Variants in CEP250 observed in about 807,000 individuals in gnomAD.
CEP250 encodes the protein centrosome-associated protein CEP250.
A neutral mutation model predicts 315.7 loss-of-function variants in CEP250; 242 were observed. The observed-to-expected ratio is 0.77, with a 90% CI of 0.69 to 0.85. The LOEUF is 0.85. Ranked by LOEUF, CEP250 falls within the 40% of genes least tolerant of loss-of-function variation. The pLI is 0.00. For missense variants in CEP250, 2,515 were observed against 2,886.4 expected, an observed-to-expected ratio of 0.87 and a Z score of 2.95; for synonymous variants, 1,088 against 1,175.0, an observed-to-expected ratio of 0.93 and a Z score of 1.51.
chr20:35,465,634 G>A, intron 5 of CEP250, 109 bp from the exon 6 acceptor site: 1 of 720,378 alleles, frequency 1.4e-6, no homozygotes, highest in Admixed American at 3.3e-5. Flanking sequence ...GCTAACAAAG[G>A]GGAGAAAGAA....
rs747580957 is a variant in CEP250, at chr20:35,498,767, A to G, written c.3777+51A>G. ...GAACTCTTTACATCCCTGGAAAAGCATGAGGCAAAGGGGTGTGAAGCAGTT... is the reference window on the plus strand; with the variant it reads ...GAACTCTTTACATCCCTGGAAAAGCGTGAGGCAAAGGGGTGTGAAGCAGTT... On this transcript the variant is annotated intron_variant, in intron 27 of 34. Transcript: ENST00000397527. 2.6e-6 allele frequency: 4 copies of G among 1,513,682 alleles called. No homozygotes were observed. The Admixed American group carries it at 7.4e-5, about 28-fold the overall frequency. 93.8% of individuals were successfully genotyped at this position (1,513,682 alleles called of 1,614,324 possible). A position where few individuals can be genotyped will look rare whatever the true frequency, so the allele number is the denominator to read the frequency against.
At position 35,467,361 on chromosome 20, in the gene CEP250, T is replaced by A; in HGVS notation, c.657T>A (p.Cys219Ter). 6.2e-7 allele frequency: 1 copy of A among 1,614,172 alleles called. No homozygotes were observed. Among genetic ancestry groups the A allele is most frequent in the Non-Finnish European group, 8.5e-7 (1 of 1,180,012 alleles). The part of the protein sequence containing the change: ...HVRLSGSLLT[C>*]CLRLTVGAQS... ...GGCTTTCAGGGTCTCTGTTGACCTG[T>A]TGTCTGCGCTTGACTGTGGGAGCAC... The change falls in exon 9 of 35, where the codon TGT (cysteine) becomes TGA (stop). Residue 219 changes from cysteine (C) to a stop codon, truncating the protein, a stop_gained. Transcript: ENST00000397527. LOFTEE classifies it high-confidence loss of function.
In CEP250 at chr20:35,513,168, C is replaced by T. The variant is rs531715815; in HGVS notation, c.*1542C>T. ...GAAACCCCAGAAACAGATCTGGGGC[C>T]CCAGAAATGCTGTCCTGGTCCCTAT... On this transcript the variant is annotated 3_prime_UTR_variant, in exon 35 of 35. Transcript: ENST00000397527. 1 of 152,370 alleles carries T rather than the reference C, an allele frequency of 6.6e-6. No individual in the cohort carries two copies. Among genetic ancestry groups the T allele is most frequent in the African/African-American group, 2.4e-5 (1 of 41,586 alleles). The allele number at this position is 152,370 out of a possible 1,614,324, so 9.4% of individuals were successfully genotyped here.
intron 22 of CEP250, 144 bp from the exon 23 acceptor site, chr20:35,493,285 A>G (rs2063747338): frequency 1.4e-6 from 1 of 718,176 alleles, no homozygotes; most frequent in Non-Finnish European, 2.2e-6. Flanking sequence ...TTTGTGAGGG[A>G]GGAGAGGGAC....
Position 35,504,237 on chromosome 20 carries a change from G to A in CEP250, c.5868G>A (p.Glu1956=). 1.2e-6 allele frequency: 2 copies of A among 1,606,124 alleles called. No individual in the cohort carries two copies. Among genetic ancestry groups the A allele is most frequent in the South Asian group, 2.2e-5 (2 of 90,204 alleles). ...RAESQSSRHQ[E]EAARARAEAL... is the part of the protein sequence containing the mutation. Reference sequence around the variant, plus strand: ...AAAGTCAGTCCTCCCGGCATCAGGAGGAGGCTGCCCGGGCCCGGGCTGAGG... The same window carrying A: ...AAAGTCAGTCCTCCCGGCATCAGGAAGAGGCTGCCCGGGCCCGGGCTGAGG... Residue 1956 remains glutamate (E), a synonymous_variant, in exon 30 of 35, where the codon GAG becomes GAA. Coordinates refer to ENST00000397527, the MANE Select transcript of CEP250 (RefSeq NM_007186.6).
At chr20:35,475,831 T>C (rs989404313) in intron 15 of CEP250, among the ~76,000 whole-genome samples, 185 bp downstream of exon 15, 2 of 152,206 alleles carry the variant, frequency 1.3e-5, no homozygotes, top group African/African-American at 4.8e-5. Context: ...CTAAAGTATA[T>C]ACCTGGTTAT....
chr20:35,500,607 G>T (rs975807807), intron 28 of CEP250, among the ~76,000 whole-genome samples: 60 of 152,206 alleles, frequency 3.9e-4, no homozygotes, highest in Admixed American at 2.0e-4. Context: ...GCAGCGCTGG[G>T]GCTGGCAGCA....
chr20:35,467,943 C>CTTTTTTTTTTTTT (rs10649518), intron 9 of CEP250, among the ~76,000 whole-genome samples: 1 of 117,980 alleles, frequency 8.5e-6, no homozygotes, highest in Non-Finnish European at 1.7e-5. Context: ...AATATTACCT[C>CTTTTTTTTTTTTT]TTTTTTTTTT....
Position 35,478,105 on chromosome 20 carries a change from AG to A in CEP250, c.2094+5del. The stretch of plus-strand genomic sequence containing the variant: ...AATTCAAAAGAAACTAAGTGAGGTG[AG>A]AAGCCAAAATGGACACCATCATGTC... On this transcript the variant is annotated splice_donor_5th_base_variant and intron_variant, in intron 17 of 34. Transcript: ENST00000397527. 1.3e-6 allele frequency: 2 copies of A among 1,596,640 alleles called. No individual in the cohort carries two copies. The highest frequency in any genetic ancestry group is 1.1e-5 in the South Asian group (1 of 90,364).
rs1028980909 is a variant in CEP250, at chr20:35,509,890, A to G, written c.7009-108A>G. On this transcript the variant is annotated intron_variant, in intron 33 of 34. Coordinates refer to ENST00000397527, the MANE Select transcript of CEP250 (RefSeq NM_007186.6). The stretch of plus-strand genomic sequence containing the variant: ...CTGAGTTCAGATGCTTCTGGCCCAT[A>G]GCCCTTGCCCAGGCCCCTAAGATTG... 4.0e-6 allele frequency: 4 copies of G among 988,582 alleles called. No individual in the cohort carries two copies. In the Admixed American group the frequency reaches 5.2e-5, roughly 13 times the overall value. 61.2% of individuals were successfully genotyped at this position (988,582 alleles called of 1,614,324 possible).
chr20:35,496,713 C>T lies in CEP250; in HGVS notation c.3304C>T (p.Gln1102Ter). Reference protein sequence around the residue: ...AQGEQKELSAQMELLRQEVKE... With the variant: ...AQGEQKELSA The stretch of plus-strand genomic sequence containing the variant: ...GGGAGAACAGAAAGAGCTCAGTGCT[C>T]AGGTACTTCCCACTCTGGTTATGAG... The change falls in exon 25 of 35, where the codon CAG becomes TAG. Residue 1102 changes from glutamine (Q) to a stop codon, truncating the protein, a stop_gained and splice_region_variant. Coordinates refer to ENST00000397527, the MANE Select transcript of CEP250 (RefSeq NM_007186.6). LOFTEE classifies it high-confidence loss of function. 1 of 1,612,646 alleles carries T rather than the reference C, an allele frequency of 6.2e-7. No individual in the cohort carries two copies. Among genetic ancestry groups the T allele is most frequent in the South Asian group, 1.1e-5 (1 of 90,784 alleles).
rs902808093 is a variant in CEP250, at chr20:35,516,492, C to A, written c.*4866C>A. ...TGTGGTTTGATGATTCATGCTGGAG[C>A]CTTTGGCTATAACTCTCTTCCCTGT... On this transcript the variant is annotated 3_prime_UTR_variant, in exon 35 of 35. Transcript: ENST00000397527. 2 of 152,198 alleles carry A rather than the reference C, an allele frequency of 1.3e-5. No homozygotes were observed. Among genetic ancestry groups the A allele is most frequent in the African/African-American group, 4.8e-5 (2 of 41,434 alleles). The allele number at this position is 152,198 out of a possible 1,614,324, so 9.4% of individuals were successfully genotyped here. A position where few individuals can be genotyped will look rare whatever the true frequency, so the allele number is the denominator to read the frequency against.
intron 27 of CEP250, among the ~76,000 whole-genome samples, 166 bp from the exon 28 acceptor site, chr20:35,499,883 C>T (rs1397024114): frequency 6.6e-6 from 1 of 152,150 alleles, no homozygotes. Context: ...GTCATCACTT[C>T]AGGAAGCTAA....
chr20:35,463,131 G>A (rs965651210), intron 4 of CEP250, among the ~76,000 whole-genome samples: 38 of 152,258 alleles, frequency 2.5e-4, no homozygotes, highest in East Asian at 9.7e-4. Context: ...GGCCAGGCAC[G>A]GTGGCCCATG....
chr20:35,475,159 A>G lies in CEP250; in HGVS notation c.1572-343A>G, dbSNP rs6141553. On this transcript the variant is annotated intron_variant, in intron 14 of 34. Coordinates refer to ENST00000397527, the MANE Select transcript of CEP250 (RefSeq NM_007186.6). ...GCTTCAGTGAGCTAAGAAGATACAC[A>G]GAGAAGTCTCACTCTCATTTGTGCT... Among the ~76,000 whole-genome samples the G allele has an allele frequency of 3.3e-5, 5 of 152,316 alleles. No individual in the cohort carries two copies. In the East Asian group the frequency reaches 9.6e-4, roughly 29 times the overall value.
chr20:35,476,245 T>C (rs2063169510), intron 15 of CEP250: 3 of 474,092 alleles, frequency 6.3e-6, no homozygotes, highest in South Asian at 3.5e-5. Context: ...CATTTCTCTA[T>C]CCTAACTTTG....
intron 12 of CEP250, 77 bp from the exon 13 acceptor site, chr20:35,473,297 C>A: frequency 7.4e-7 from 1 of 1,351,418 alleles, no homozygotes; most frequent in Non-Finnish European, 1.0e-6. Context: ...CCCCCTTCTC[C>A]AGCCCCACTT....
intron 14 of CEP250, 123 bp from the exon 15 acceptor site, chr20:35,475,379 C>T: frequency 3.9e-6 from 4 of 1,017,126 alleles, no homozygotes; most frequent in Non-Finnish European, 5.8e-6. Context: ...GAAATCTTTC[C>T]TTATCAGTGT....
chr20:35,503,585 A>G lies in CEP250; in HGVS notation c.5216A>G (p.Glu1739Gly). 1.2e-6 allele frequency: 2 copies of G among 1,614,116 alleles called. No individual in the cohort carries two copies. The highest frequency in any genetic ancestry group is 4.5e-5 in the East Asian group (2 of 44,876). The change falls in exon 30 of 35, where the codon GAA (glutamate) becomes GGA (glycine). Residue 1739 changes from glutamate to glycine, a missense_variant. Coordinates refer to ENST00000397527, the MANE Select transcript of CEP250 (RefSeq NM_007186.6). The surrounding 1 kb of genome is among the most constrained non-coding windows in gnomAD (Gnocchi z 4.2). ...CTGCGTGATAAGGAGAAGGAGGTGGAATGTCAGCAGGAGCATATCCATGAA... is the reference window on the plus strand; with the variant it reads ...CTGCGTGATAAGGAGAAGGAGGTGGGATGTCAGCAGGAGCATATCCATGAA... ...LILRDKEKEVECQQEHIHELQ... is the reference protein window; with the variant it reads ...LILRDKEKEVGCQQEHIHELQ...
Sources: allele counts gnomAD v4.1 joint callset (sites outside exome capture counted in the v4.1 genomes callset), GRCh38; gene constraint gnomAD v4.1.1; non-coding constraint Gnocchi (gnomAD v3.1); transcripts MANE v1.5; gene names NCBI Gene and HGNC (gene_info 2026-07-23, HGNC 2026-07-21).